GUF1: variants seen among roughly 807,000 people sequenced by gnomAD.
GUF1 encodes the protein GTP binding elongation factor GUF1, also known as translation factor GUF1, mitochondrial.
In GUF1, 78 loss-of-function variants were observed where a neutral mutation model predicts 82.4. The observed-to-expected ratio is 0.95, with a 90% CI of 0.79 to 1.14. GUF1 has a LOEUF of 1.14. Ranked by LOEUF, GUF1 falls within the 50% of genes most tolerant of loss-of-function variation. The pLI, the probability that GUF1 is intolerant of heterozygous loss-of-function variation, is 0.00. For synonymous variants in GUF1, 279 were observed against 282.3 expected, an observed-to-expected ratio of 0.99 and a Z score of 0.12; for missense variants, 814 against 798.2, an observed-to-expected ratio of 1.02 and a Z score of -0.24.
chr4:44,681,971 A>AT (rs1714796962), intron 4 of GUF1, among the ~76,000 whole-genome samples: 1 of 152,120 alleles, frequency 6.6e-6, no homozygotes, highest in Non-Finnish European at 1.5e-5. Flanking sequence ...CCTCCAATAA[A>AT]TGCTTTCTGA....
chr4:44,683,611 T>A (rs1714891360), intron 6 of GUF1, among the ~76,000 whole-genome samples: 1 of 152,100 alleles, frequency 6.6e-6, no homozygotes, highest in Non-Finnish European at 1.5e-5. Context: ...ACAGGCCTTC[T>A]GAAACTCCCT....
chr4:44,691,483 A>G (rs1481795610), intron 12 of GUF1, among the ~76,000 whole-genome samples, 183 bp from the exon 13 acceptor site: 1 of 151,820 alleles, frequency 6.6e-6, no homozygotes, highest in African/African-American at 2.4e-5. Flanking sequence ...ATTTTAAAAG[A>G]TAAAATTGTT....
chr4:44,685,213 A>G lies in GUF1; in HGVS notation c.670-746A>G, dbSNP rs116643692. ...GGTGGGTGGTTTTGCCCCTGGGCAAATATTTGGAGATATTTTTGGTTTTCA... is the reference window on the plus strand; with the variant it reads ...GGTGGGTGGTTTTGCCCCTGGGCAAGTATTTGGAGATATTTTTGGTTTTCA... On this transcript the variant is annotated intron_variant, in intron 6 of 16. Transcript: ENST00000281543. Among the ~76,000 whole-genome samples, 562 of 152,276 alleles carry G rather than the reference A, an allele frequency of 3.7e-3. 2 individuals are homozygous for G. Among genetic ancestry groups the G allele is most frequent in the Non-Finnish European group, 6.1e-3 (417 of 67,994 alleles).
chr4:44,687,051 G>T (rs145033851), intron 8 of GUF1, among the ~76,000 whole-genome samples: 76 of 151,950 alleles, frequency 5.0e-4, no homozygotes, highest in Middle Eastern at 3.4e-3. Context: ...TTCATAACTA[G>T]ATTTTCCAAT....
In GUF1 at chr4:44,694,431, G is replaced by A. The variant is rs1374972817; in HGVS notation, c.1633G>A (p.Gly545Ser). The A allele has an allele frequency of 1.2e-6, 2 of 1,611,200 alleles. No homozygotes were observed. The highest frequency in any genetic ancestry group is 2.7e-5 in the African/African-American group (2 of 74,814). Residue 545 changes from glycine (G) to serine (S), a missense_variant, in exon 14 of 17, where the codon GGC becomes AGC. Physicochemically the swap from Gly to Ser is moderately conservative, Grantham distance 56. Transcript: ENST00000281543. ...GYASFDYEDA[G>S]YQTAELVKMD... is the part of the protein sequence containing the mutation. ...TTTTAGTTTTGATTACGAAGATGCAGGCTACCAGACTGCAGAACTTGTAAA... is the reference window on the plus strand; with the variant it reads ...TTTTAGTTTTGATTACGAAGATGCAAGCTACCAGACTGCAGAACTTGTAAA...
In GUF1 at chr4:44,697,409, G is replaced by A. The variant is rs755301637; in HGVS notation, c.1837G>A (p.Val613Met). 3.8e-6 allele frequency: 6 copies of A among 1,559,060 alleles called. No homozygotes were observed. The highest frequency in any genetic ancestry group is 4.6e-5 in the East Asian group (2 of 43,162). ...TAAACGAATTTTTCTCTTTTACAGTGTGAAAGCCTATAGGAAAAACGTTTT... is the reference window on the plus strand; with the variant it reads ...TAAACGAATTTTTCTCTTTTACAGTATGAAAGCCTATAGGAAAAACGTTTT... ...IGSKIIARET[V>M]KAYRKNVLAK... is the part of the protein sequence containing the mutation. The change falls in exon 16 of 17, where the codon GTG (valine) becomes ATG (methionine). Residue 613 changes from valine to methionine, a missense_variant and splice_region_variant. By Grantham distance (21) the Val-to-Met change is conservative. Transcript: ENST00000281543.
chr4:44,681,045 A>G (rs879181195), intron 3 of GUF1, 78 bp from the exon 4 acceptor site: 1 of 1,293,264 alleles, frequency 7.7e-7, no homozygotes, highest in South Asian at 1.2e-5. Context: ...TTATCAAGTA[A>G]AGTCAATAAA....
chr4:44,686,049 A>C (rs1715027877), intron 7 of GUF1, 26 bp downstream of exon 7: 3 of 1,466,714 alleles, frequency 2.0e-6, no homozygotes, highest in Non-Finnish European at 2.9e-6. Flanking sequence ...TTTTTGTACT[A>C]GTTGTCTCTA....
intron 11 of GUF1, 88 bp downstream of exon 11, chr4:44,690,063 G>C: frequency 1.1e-6 from 1 of 928,408 alleles, no homozygotes; most frequent in Non-Finnish European, 1.5e-6. Flanking sequence ...TGCAGGAGAA[G>C]CTTTTTACTA....
intron 2 of GUF1, 33 bp from the exon 3 acceptor site, chr4:44,680,661 C>A: frequency 6.7e-7 from 1 of 1,482,378 alleles, no homozygotes; most frequent in Non-Finnish European, 9.1e-7. Flanking sequence ...TTTTAAAGCC[C>A]AGAGAAATAT....
intron 13 of GUF1, 70 bp downstream of exon 13, chr4:44,691,869 A>G: frequency 1.9e-6 from 2 of 1,029,968 alleles, no homozygotes; most frequent in Non-Finnish European, 2.8e-6. Context: ...AGGGTATACT[A>G]ATTCTTCATT....
At chr4:44,684,867 C>T (rs2109640408) in intron 6 of GUF1, among the ~76,000 whole-genome samples, 1 of 152,224 alleles carries the variant, frequency 6.6e-6, no homozygotes, top group African/African-American at 2.4e-5. Context: ...AGCTTGTTGT[C>T]AGATACAAGA....
rs191387645 is a variant in GUF1 at position 44,686,714 on chromosome 4, G to A, written c.938+1G>A. The A allele has an allele frequency of 6.3e-7, 1 of 1,581,078 alleles. No homozygotes were observed. The highest frequency in any genetic ancestry group is 8.7e-7 in the Non-Finnish European group (1 of 1,150,744). On this transcript the variant is annotated splice_donor_variant, in intron 8 of 16. Transcript: ENST00000281543. LOFTEE classifies it high-confidence loss of function. ...CTAATGAGCAGCCAACTCATAAATT[G>A]TAAGTAATCTGCATTAGTAAAATTA...
Position 44,694,290 on chromosome 4 carries a change from G to T in GUF1, c.1614-122G>T, listed in dbSNP as rs778821353. ...AAACTGTATATGTAATATTTTGATG[G>T]AAACATATCTCTTTGGGGAGTGTAA... is the stretch of plus-strand genomic sequence containing the variant. On this transcript the variant is annotated intron_variant, in intron 13 of 16. Coordinates refer to ENST00000281543, the MANE Select transcript of GUF1 (RefSeq NM_021927.3). The T allele has an allele frequency of 1.4e-3, 913 of 657,806 alleles. 1 individual carries two copies. The highest frequency in any genetic ancestry group is 2.3e-3 in the Non-Finnish European group (849 of 369,332). 40.7% of individuals were successfully genotyped at this position (657,806 alleles called of 1,614,324 possible). A position where few individuals can be genotyped will look rare whatever the true frequency, so the allele number is the denominator to read the frequency against.
chr4:44,686,415 CAAG>C (rs1715052884), intron 7 of GUF1, 92 bp from the exon 8 acceptor site: 2 of 713,696 alleles, frequency 2.8e-6, no homozygotes, highest in Non-Finnish European at 4.3e-6. Flanking sequence ...CAAACTTTCT[CAAG>C]AACTCAAGTA....
Position 44,697,397 on chromosome 4 carries a change from CTCTT to C in GUF1, c.1836-9_1836-6del. ...GAATTATGTACTTAAACGAATTTTT[CTCTT>C]TTACAGTGTGAAAGCCTATAGGAAA... On this transcript the variant is annotated splice_region_variant and splice_polypyrimidine_tract_variant and intron_variant, in intron 15 of 16. Transcript: ENST00000281543. The C allele has an allele frequency of 6.5e-7, 1 of 1,542,604 alleles. No homozygotes were observed. The highest frequency in any genetic ancestry group is 8.8e-7 in the Non-Finnish European group (1 of 1,131,864).
In GUF1 at chr4:44,700,205, A is replaced by T. The variant is rs1395193769; in HGVS notation, c.*1524A>T. 1 of 152,366 alleles carries T rather than the reference A, an allele frequency of 6.6e-6. No homozygotes were observed. The highest frequency in any genetic ancestry group is 3.4e-3 in the Middle Eastern group (1 of 294). The allele number at this position is 152,366 out of a possible 1,614,324, so 9.4% of individuals were successfully genotyped here. A position where few individuals can be genotyped will look rare whatever the true frequency, so the allele number is the denominator to read the frequency against. Reference sequence around the variant, plus strand: ...CAAAGGGAAGTCAAGCTGGGAACTGATTGAGGCAAACCTGCCTCCCATTTT... The same window carrying T: ...CAAAGGGAAGTCAAGCTGGGAACTGTTTGAGGCAAACCTGCCTCCCATTTT... On this transcript the variant is annotated 3_prime_UTR_variant, in exon 17 of 17. Coordinates refer to ENST00000281543, the MANE Select transcript of GUF1 (RefSeq NM_021927.3).
intron 1 of GUF1, 138 bp downstream of exon 1, chr4:44,678,925 G>C: frequency 1.2e-6 from 1 of 839,428 alleles, no homozygotes; most frequent in Non-Finnish European, 1.8e-6. Context: ...AGAGCGGAGA[G>C]TGTGAGCACT....
In GUF1 at chr4:44,678,538, C is replaced by A; in HGVS notation, c.-85C>A. ...TCTGTTTGAGTCCTGTCCACCGGAT[C>A]CTACGGGGGGTACCTTCGAAAAAAA... On this transcript the variant is annotated 5_prime_UTR_variant, in exon 1 of 17. Coordinates refer to ENST00000281543, the MANE Select transcript of GUF1 (RefSeq NM_021927.3). 2.7e-6 allele frequency: 3 copies of A among 1,119,978 alleles called. No homozygotes were observed. Among genetic ancestry groups the A allele is most frequent in the Non-Finnish European group, 3.6e-6 (3 of 838,008 alleles). 69.4% of individuals were successfully genotyped at this position (1,119,978 alleles called of 1,614,324 possible). A position where few individuals can be genotyped will look rare whatever the true frequency, so the allele number is the denominator to read the frequency against.
Sources: allele counts gnomAD v4.1 joint callset (sites outside exome capture counted in the v4.1 genomes callset), GRCh38; gene constraint gnomAD v4.1.1; transcripts MANE v1.5; gene names NCBI Gene and HGNC (gene_info 2026-07-23, HGNC 2026-07-21).